EYS: variants seen among roughly 807,000 people sequenced by gnomAD.
EYS encodes the protein EGF-like photoreceptor maintenance factor.
Under a neutral mutation model 282.1 loss-of-function variants are expected in EYS, and 250 were observed. The observed-to-expected ratio is 0.89, with a 90% CI of 0.80 to 0.98. The LOEUF (loss-of-function observed/expected upper bound fraction) is 0.98, where lower values mean the gene tolerates loss of function less well. Among genes scored for constraint, EYS ranks in the 50% least tolerant of loss-of-function variants. The pLI, the probability that EYS is intolerant of heterozygous loss-of-function variation, is 0.00. For synonymous variants in EYS, 1,355 were observed against 1,282.9 expected (o/e 1.06, Z -1.20); for missense variants, 4,016 against 3,709.0 (o/e 1.08, Z -2.15).
At chr6:64,869,716 G>C (rs1766532195) in intron 19 of EYS, among the ~76,000 whole-genome samples, 1 of 151,594 alleles carries the variant, frequency 6.6e-6, no homozygotes, top group Non-Finnish European at 1.5e-5. Context: ...ATAATGTTTT[G>C]ATATAATGTT....
intron 33 of EYS, 128 bp from the exon 34 acceptor site, chr6:63,999,311 T>C (rs768679945): frequency 6.2e-5 from 43 of 698,280 alleles, no homozygotes; most frequent in Admixed American, 1.4e-4. Flanking sequence ...TCCTGAAATA[T>C]GGACCCAGCC....
chr6:65,278,780 A>G (rs923229103), intron 12 of EYS, among the ~76,000 whole-genome samples: 1 of 152,194 alleles, frequency 6.6e-6, no homozygotes, highest in East Asian at 1.9e-4. Context: ...GAAATATACT[A>G]CATTTACTAC....
At chr6:63,760,144 C>T (rs941250524) in intron 41 of EYS, among the ~76,000 whole-genome samples, 1 of 151,988 alleles carries the variant, frequency 6.6e-6, no homozygotes, top group Non-Finnish European at 1.5e-5. Flanking sequence ...GTAAAAAACT[C>T]ACACATTATG....
chr6:65,149,295 C>A (rs1378325782), intron 12 of EYS, among the ~76,000 whole-genome samples: 1 of 152,056 alleles, frequency 6.6e-6, no homozygotes, highest in Non-Finnish European at 1.5e-5. Flanking sequence ...CATGTCTTCC[C>A]AAGTTCAAAG....
chr6:64,038,020 A>G (rs929970085), intron 33 of EYS, among the ~76,000 whole-genome samples: 3 of 152,228 alleles, frequency 2.0e-5, no homozygotes, highest in African/African-American at 7.2e-5. Flanking sequence ...ATTTTAGATC[A>G]AATTGACTTT....
At chr6:64,993,582 G>T (rs1408494212) in intron 14 of EYS, among the ~76,000 whole-genome samples, 2 of 113,230 alleles carry the variant, frequency 1.8e-5, no homozygotes, top group Non-Finnish European at 3.5e-5. Context: ...CTTGTGGGGT[G>T]GGGGGAGGGG....
chr6:64,426,321 A>T (rs546214687), intron 28 of EYS, among the ~76,000 whole-genome samples: 136 of 152,302 alleles, frequency 8.9e-4, no homozygotes, highest in Non-Finnish European at 1.7e-3. Flanking sequence ...TATCAGTTTG[A>T]ATGACAAAAT....
chr6:65,283,173 T>C (rs966732491), intron 12 of EYS, among the ~76,000 whole-genome samples: 1 of 151,994 alleles, frequency 6.6e-6, no homozygotes, highest in Non-Finnish European at 1.5e-5. Context: ...CTCAATATTA[T>C]TTGTTAGTTA....
intron 5 of EYS, among the ~76,000 whole-genome samples, chr6:65,484,707 T>C (rs1765726578): frequency 6.6e-6 from 1 of 152,130 alleles, no homozygotes; most frequent in Non-Finnish European, 1.5e-5. Flanking sequence ...GTCTATGTTA[T>C]ATGTGAGAGG....
intron 29 of EYS, chr6:64,378,068 T>G (rs1482375857): frequency 6.6e-6 from 1 of 152,204 alleles, no homozygotes; most frequent in African/African-American, 2.4e-5. Flanking sequence ...ACTTGTTGAA[T>G]GAGTGCATGA....
intron 35 of EYS, among the ~76,000 whole-genome samples, chr6:63,945,485 T>C (rs1296742229): frequency 6.6e-6 from 1 of 152,118 alleles, no homozygotes; most frequent in Non-Finnish European, 1.5e-5. Context: ...TAGGTAAAGA[T>C]TAAAGGTTTA....
rs886042613 is a variant in EYS, at chr6:64,591,255, GTC to G, written c.4610_4611del (p.Arg1537ThrfsTer10). On this transcript the variant is annotated frameshift_variant, in exon 26 of 43. Coordinates refer to ENST00000503581, the MANE Select transcript of EYS (RefSeq NM_001142800.2). LOFTEE classifies it high-confidence loss of function. ...GCAGCCTGTGATTTGATGTTTGTGAGTCTCTGGTTGCTTGAAGCCTCAGTAAT... is the reference window on the plus strand; with the variant it reads ...GCAGCCTGTGATTTGATGTTTGTGAGTCTGGTTGCTTGAAGCCTCAGTAAT... ...QAITEASSNQRLTNIKSQAAD... is the reference protein window; with the variant it reads ...QAITEASSNQXLTNIKSQAAD... The G allele has an allele frequency of 6.4e-7, 1 of 1,551,422 alleles. No homozygotes were observed. Among genetic ancestry groups the G allele is most frequent in the Admixed American group, 2.0e-5 (1 of 50,972 alleles).
At position 63,978,153 on chromosome 6, in the gene EYS, A is replaced by G. The variant is rs143682700; in HGVS notation, c.7055+6230T>C. Among the ~76,000 whole-genome samples, 1,269 of 152,156 alleles carry G rather than the reference A, an allele frequency of 8.3e-3. 19 individuals are homozygous for G. Among genetic ancestry groups the G allele is most frequent in the African/African-American group, 0.027 (1,101 of 41,542 alleles). On this transcript the variant is annotated intron_variant, in intron 35 of 42. Coordinates refer to ENST00000503581, the MANE Select transcript of EYS (RefSeq NM_001142800.2). ...TACTCACACCCTAGAGACTGATTTT[A>G]GTGAATGAATTATGTAGAAAATACC...
chr6:64,576,112 C>T (rs7452787), intron 26 of EYS, among the ~76,000 whole-genome samples: 19,007 of 152,040 alleles, frequency 0.13, 1,288 homozygotes, highest in East Asian at 0.27. Flanking sequence ...CTTTAAAAAT[C>T]TTGGAAAATG....
At chr6:64,456,992 G>T (rs552336724) in intron 26 of EYS, among the ~76,000 whole-genome samples, 7 of 151,934 alleles carry the variant, frequency 4.6e-5, no homozygotes, top group African/African-American at 1.7e-4. Context: ...GACCTTTTTT[G>T]ATGTAGGTGT....
intron 12 of EYS, among the ~76,000 whole-genome samples, chr6:65,150,906 AAATT>A (rs1468148970): frequency 1.3e-5 from 2 of 151,952 alleles, no homozygotes; most frequent in East Asian, 3.9e-4. Flanking sequence ...GCTAAATGCT[AAATT>A]AATTTATTTT....
At chr6:63,981,453 T>G (rs924323464) in intron 35 of EYS, among the ~76,000 whole-genome samples, 3 of 151,854 alleles carry the variant, frequency 2.0e-5, no homozygotes, top group African/African-American at 7.2e-5. Flanking sequence ...TGCAGGAATA[T>G]AAGTCATAGC....
intron 13 of EYS, among the ~76,000 whole-genome samples, chr6:65,031,549 T>TA (rs1439364641): frequency 1.3e-5 from 2 of 151,912 alleles, no homozygotes; most frequent in Admixed American, 1.3e-4. Context: ...CACAGTGCAA[T>TA]AAAAATAAAA....
At chr6:64,389,464 T>C (rs1561965771) in intron 28 of EYS, among the ~76,000 whole-genome samples, 1 of 152,228 alleles carries the variant, frequency 6.6e-6, no homozygotes. Context: ...AGCCATATGT[T>C]TAACTAATTG....
Sources: gnomAD v4.1 joint callset for allele counts (sites outside exome capture counted in the v4.1 genomes callset) on GRCh38, gnomAD v4.1.1 for gene constraint, MANE v1.5 for transcripts, NCBI Gene and HGNC (gene_info 2026-07-23, HGNC 2026-07-21) for gene names.